The following DOCK9 variants were observed in gnomAD, a reference collection of about 807,000 sequenced individuals.
DOCK9 encodes dedicator of cytokinesis protein 9.
In DOCK9, 89 loss-of-function variants were observed where a neutral mutation model predicts 263.3. That is an observed-to-expected ratio of 0.34 (90% CI 0.28 to 0.40). The LOEUF (loss-of-function observed/expected upper bound fraction) is 0.40, where lower values mean the gene tolerates loss of function less well. Ranked by LOEUF, DOCK9 falls within the 10% of genes least tolerant of loss-of-function variation. The pLI, the probability that DOCK9 is intolerant of heterozygous loss-of-function variation, is 1.00. For synonymous variants in DOCK9, 976 were observed against 973.1 expected (o/e 1.00, Z -0.06); for missense variants, 2,140 against 2,603.4 (o/e 0.82, Z 3.87).
intron 37 of DOCK9, among the ~76,000 whole-genome samples, 170 bp from the exon 38 acceptor site, chr13:98,846,230 C>T (rs1192959119): frequency 6.6e-6 from 1 of 152,072 alleles, no homozygotes; most frequent in Non-Finnish European, 1.5e-5. Flanking sequence ...GCACACTTCA[C>T]GGCAAAGCAC....
chr13:99,029,186 C>G (rs557459632), intron 1 of DOCK9, among the ~76,000 whole-genome samples: 1 of 152,184 alleles, frequency 6.6e-6, no homozygotes, highest in Admixed American at 6.5e-5. Flanking sequence ...CTTACAGAAC[C>G]AGCCTTGTTA....
chr13:99,068,001 G>A (rs189264803), intron 1 of DOCK9, among the ~76,000 whole-genome samples: 23 of 151,246 alleles, frequency 1.5e-4, no homozygotes, highest in East Asian at 9.8e-4. Context: ...AGAAAGAACC[G>A]ATCCCCAGTA....
chr13:99,021,444 C>T (rs1886082700), intron 1 of DOCK9, among the ~76,000 whole-genome samples: 1 of 152,060 alleles, frequency 6.6e-6, no homozygotes, highest in Non-Finnish European at 1.5e-5. Flanking sequence ...TTGAGACCAT[C>T]CTGGCTAACA....
intron 47 of DOCK9, 85 bp downstream of exon 47, chr13:98,809,267 A>C: frequency 7.7e-7 from 1 of 1,305,796 alleles, no homozygotes; most frequent in Non-Finnish European, 1.1e-6. Context: ...ATAAGATATA[A>C]CTTTATTATA....
At chr13:98,917,842 G>T (rs1322228205) in intron 7 of DOCK9, among the ~76,000 whole-genome samples, 1 of 152,056 alleles carries the variant, frequency 6.6e-6, no homozygotes, top group African/African-American at 2.4e-5. Flanking sequence ...CAGATGATCT[G>T]GCACCTTTGA....
chr13:98,928,517 T>G (rs1463121523), intron 3 of DOCK9, among the ~76,000 whole-genome samples: 1 of 152,198 alleles, frequency 6.6e-6, no homozygotes, highest in Non-Finnish European at 1.5e-5. Flanking sequence ...TGGAGAGTTC[T>G]CCCTCAAAAA....
intron 1 of DOCK9, among the ~76,000 whole-genome samples, chr13:99,048,780 T>C (rs899355335): frequency 6.6e-6 from 1 of 152,240 alleles, no homozygotes; most frequent in East Asian, 1.9e-4. Context: ...AATATACTTG[T>C]ACCTTTATTA....
intron 3 of DOCK9, among the ~76,000 whole-genome samples, chr13:98,928,681 T>C (rs1270810425): frequency 6.6e-6 from 1 of 152,226 alleles, no homozygotes; most frequent in Non-Finnish European, 1.5e-5. Context: ...TAACTTTGAG[T>C]TGCATGGTGA....
At chr13:98,915,256 C>A (rs529337501) in intron 8 of DOCK9, 73 bp downstream of exon 8, 2 of 1,496,512 alleles carry the variant, frequency 1.3e-6, no homozygotes, top group African/African-American at 1.4e-5. Flanking sequence ...AGGTCTCCTT[C>A]TTATACCCAC....
At chr13:99,037,249 T>C (rs1436299872) in intron 1 of DOCK9, among the ~76,000 whole-genome samples, 1 of 152,160 alleles carries the variant, frequency 6.6e-6, no homozygotes, top group African/African-American at 2.4e-5. Context: ...TAAAGATTTG[T>C]ATCCAGATAT....
chr13:98,867,985 G>T lies in DOCK9; in HGVS notation c.3117C>A (p.Gly1039=), dbSNP rs1318333739. Residue 1039 remains glycine, a synonymous_variant, in exon 29 of 53, where the codon GGC becomes GGA. Transcript: ENST00000682017. ...AGTTGTTGATCTGCTTGAAGACAAA[G>T]CCCCTGTCCATGAAGGTGAAACATC... The part of the protein sequence containing the change: ...IKRCFTFMDR[G]FVFKQINNYI... 1 of 1,613,682 alleles carries T rather than the reference G, an allele frequency of 6.2e-7. No homozygotes were observed. The highest frequency in any genetic ancestry group is 1.1e-5 in the South Asian group (1 of 90,944).
intron 2 of DOCK9, among the ~76,000 whole-genome samples, chr13:98,935,210 A>T (rs1437022644): frequency 6.6e-6 from 1 of 152,208 alleles, no homozygotes; most frequent in Non-Finnish European, 1.5e-5. Flanking sequence ...AGAAACATGG[A>T]GATAAACTTG....
intron 27 of DOCK9, among the ~76,000 whole-genome samples, chr13:98,877,085 C>T (rs2043977042): frequency 6.6e-6 from 1 of 152,138 alleles, no homozygotes; most frequent in Non-Finnish European, 1.5e-5. Context: ...AACCATTTCC[C>T]AGAGCAAAGG....
intron 1 of DOCK9, among the ~76,000 whole-genome samples, chr13:99,032,341 C>T (rs1251774003): frequency 1.3e-5 from 2 of 152,010 alleles, no homozygotes; most frequent in South Asian, 2.1e-4. Context: ...CCAGAAGTGG[C>T]GGCGTGTGCC....
At chr13:98,990,421 C>A (rs577413400) in intron 1 of DOCK9, among the ~76,000 whole-genome samples, 1 of 152,198 alleles carries the variant, frequency 6.6e-6, no homozygotes. Flanking sequence ...AATAAAAAAT[C>A]TTAAGCAAGT....
Position 98,831,344 on chromosome 13 carries a change from G to T in DOCK9, c.4635+4C>A, listed in dbSNP as rs757869565. ...TCTGTATTGGAAAGCTAAACCACAC[G>T]CACTTGCAAATGTGTCCGGACAAAG... On this transcript the variant is annotated splice_donor_region_variant and intron_variant, in intron 41 of 52. Coordinates refer to ENST00000682017, the MANE Select transcript of DOCK9 (RefSeq NM_001366683.2). 6.3e-7 allele frequency: 1 copy of T among 1,599,718 alleles called. No individual in the cohort carries two copies. Among genetic ancestry groups the T allele is most frequent in the Non-Finnish European group, 8.5e-7 (1 of 1,172,334 alleles).
rs185533595 is a variant in DOCK9, at chr13:98,990,368, G to A, written c.130-34817C>T. Reference sequence around the variant, plus strand: ...CACTGTATTGATATAACTTTCATGAGCTTGTCTATTCCCTGGTATAAGACT... The same window carrying A: ...CACTGTATTGATATAACTTTCATGAACTTGTCTATTCCCTGGTATAAGACT... On this transcript the variant is annotated intron_variant, in intron 1 of 32. Coordinates refer to the DOCK9 transcript ENST00000427887. Among the ~76,000 whole-genome samples the A allele has an allele frequency of 3.6e-4, 55 of 152,270 alleles. No homozygotes were observed. The South Asian group carries it at 4.8e-3, about 13-fold the overall frequency.
chr13:99,080,296 C>G (rs1158095362), intron 1 of DOCK9, among the ~76,000 whole-genome samples: 1 of 152,118 alleles, frequency 6.6e-6, no homozygotes, highest in Admixed American at 6.5e-5. Flanking sequence ...TTTTCCCTTC[C>G]ACGTCACACC....
chr13:98,960,803 G>GA (rs906655222), intron 1 of DOCK9, among the ~76,000 whole-genome samples: 11 of 152,106 alleles, frequency 7.2e-5, no homozygotes, highest in Non-Finnish European at 2.9e-5. Context: ...GGGGATTCTG[G>GA]AAAAACCCTG....
Sources: gnomAD v4.1 joint callset for allele counts (sites outside exome capture counted in the v4.1 genomes callset) on GRCh38, gnomAD v4.1.1 for gene constraint, MANE v1.5 for transcripts, NCBI Gene and HGNC (gene_info 2026-07-23, HGNC 2026-07-21) for gene names.